Variants in CDH13 observed in about 807,000 individuals in gnomAD.
CDH13 encodes the protein cadherin 13, also known as cadherin-13.
In CDH13, 24 loss-of-function variants were observed where a neutral mutation model predicts 63.8. That is an observed-to-expected ratio of 0.38 (90% CI 0.27 to 0.53). CDH13 has a LOEUF of 0.53. Ranked by LOEUF, CDH13 falls within the 20% of genes least tolerant of loss-of-function variation. CDH13 has a pLI of 0.85. For synonymous variants in CDH13, 503 were observed against 355.3 expected (o/e 1.42, Z -4.67); for missense variants, 1,049 against 903.1 (o/e 1.16, Z -2.07).
intron 7 of CDH13, among the ~76,000 whole-genome samples, chr16:83,598,191 C>G (rs1040755252): frequency 2.0e-5 from 3 of 152,080 alleles, no homozygotes; most frequent in African/African-American, 7.2e-5. Context: ...CATGGAGAGA[C>G]CCTGTCTCTA....
chr16:82,860,832 G>C (rs950889614), intron 2 of CDH13, among the ~76,000 whole-genome samples: 1 of 152,166 alleles, frequency 6.6e-6, no homozygotes, highest in African/African-American at 2.4e-5. Context: ...AGTAGTAGCA[G>C]TGCTTTGCTT....
At chr16:82,922,970 A>G (rs1323347811) in intron 2 of CDH13, among the ~76,000 whole-genome samples, 7 of 152,210 alleles carry the variant, frequency 4.6e-5, no homozygotes, top group South Asian at 2.1e-4. Context: ...CCCAGTGAAT[A>G]TGAGTCATAT....
At chr16:82,979,650 C>A (rs1909998240) in intron 2 of CDH13, among the ~76,000 whole-genome samples, 1 of 152,186 alleles carries the variant, frequency 6.6e-6, no homozygotes, top group Non-Finnish European at 1.5e-5. Context: ...CCAAGCCGTG[C>A]AGAATTGTGA....
intron 6 of CDH13, among the ~76,000 whole-genome samples, chr16:83,364,948 A>AT (rs1479663563): frequency 4.6e-5 from 7 of 152,180 alleles, no homozygotes; most frequent in African/African-American, 1.7e-4. Context: ...GAATTAGGAC[A>AT]AATACCTAAG....
intron 4 of CDH13, among the ~76,000 whole-genome samples, chr16:83,205,169 A>C (rs4783332): frequency 0.91 from 138,937 of 152,246 alleles, 64,376 homozygotes; most frequent in Non-Finnish European, 0.99. Context: ...CCTTGACTTA[A>C]AGCAGAACAA....
intron 1 of CDH13, among the ~76,000 whole-genome samples, chr16:82,665,162 C>T (rs1310202237): frequency 1.3e-5 from 2 of 152,134 alleles, no homozygotes; most frequent in Admixed American, 1.3e-4. Flanking sequence ...TTTCATGAAC[C>T]ATTTAATGCC....
intron 7 of CDH13, among the ~76,000 whole-genome samples, chr16:83,581,751 C>T (rs911575798): frequency 6.6e-6 from 1 of 152,162 alleles, no homozygotes; most frequent in Non-Finnish European, 1.5e-5. Context: ...CCCAGGAGTT[C>T]AAGGCTGCAA....
intron 6 of CDH13, among the ~76,000 whole-genome samples, chr16:83,391,160 C>T (rs1374137492): frequency 6.6e-6 from 1 of 152,160 alleles, no homozygotes; most frequent in South Asian, 2.1e-4. Context: ...TGCCAAGATG[C>T]TCTTTAGTAT....
At chr16:83,161,368 G>C (rs1194452082) in intron 4 of CDH13, among the ~76,000 whole-genome samples, 1 of 151,486 alleles carries the variant, frequency 6.6e-6, no homozygotes, top group African/African-American at 2.4e-5. Flanking sequence ...AATAAATAAG[G>C]GTCTATCAGT....
At chr16:83,359,964 C>T (rs906874641) in intron 6 of CDH13, among the ~76,000 whole-genome samples, 2 of 152,162 alleles carry the variant, frequency 1.3e-5, no homozygotes, top group Non-Finnish European at 2.9e-5. Flanking sequence ...CTTAGGACAC[C>T]ACACATATAC....
In CDH13 at chr16:83,547,266, A is replaced by G. The variant is rs148754304; in HGVS notation, c.961-55188A>G. On this transcript the variant is annotated intron_variant, in intron 7 of 13. Transcript: ENST00000567109. ...AGCCTGGACCCAGGGGGATGTGGGAAGCCCAGGAACCTGGATAAGTGGCTG... is the reference window on the plus strand; with the variant it reads ...AGCCTGGACCCAGGGGGATGTGGGAGGCCCAGGAACCTGGATAAGTGGCTG... 9.0e-4 allele frequency among the ~76,000 whole-genome samples: 137 copies of G among 152,366 alleles called. 2 individuals carry two copies. Among genetic ancestry groups the G allele is most frequent in the African/African-American group, 3.1e-3 (127 of 41,584 alleles).
chr16:83,625,669 A>G (rs527579142), intron 8 of CDH13, among the ~76,000 whole-genome samples: 47 of 152,176 alleles, frequency 3.1e-4, no homozygotes, highest in Non-Finnish European at 4.6e-4. Context: ...TGCACTTGTA[A>G]TTAGCTGGAG....
intron 10 of CDH13, among the ~76,000 whole-genome samples, chr16:83,717,357 A>G (rs1055442444): frequency 1.3e-5 from 2 of 152,072 alleles, no homozygotes; most frequent in Non-Finnish European, 2.9e-5. Flanking sequence ...CACTTTTTGT[A>G]TATATTTTCC....
intron 1 of CDH13, among the ~76,000 whole-genome samples, chr16:82,682,248 A>G (rs971315537): frequency 1.3e-5 from 2 of 152,208 alleles, no homozygotes; most frequent in African/African-American, 4.8e-5. Context: ...AAAAGTGCAG[A>G]TTCCCAGGCC....
chr16:82,855,338 C>T (rs2039641971), intron 1 of CDH13, among the ~76,000 whole-genome samples: 1 of 152,220 alleles, frequency 6.6e-6, no homozygotes, highest in Non-Finnish European at 1.5e-5. Context: ...TGGTTTCTCT[C>T]AGTCCTGACT....
chr16:82,981,576 C>A (rs541566086), intron 2 of CDH13, among the ~76,000 whole-genome samples: 3 of 152,278 alleles, frequency 2.0e-5, no homozygotes, highest in Admixed American at 6.5e-5. Context: ...GGAGCCTGTT[C>A]CAGCATTTGG....
chr16:82,876,241 C>G (rs769096332), intron 2 of CDH13, among the ~76,000 whole-genome samples: 2 of 152,216 alleles, frequency 1.3e-5, no homozygotes, highest in Non-Finnish European at 2.9e-5. Context: ...CTGTGGTTAT[C>G]TTTTCTACCC....
chr16:83,458,211 C>T (rs1233360432), intron 6 of CDH13, among the ~76,000 whole-genome samples: 1 of 152,206 alleles, frequency 6.6e-6, no homozygotes, highest in Non-Finnish European at 1.5e-5. Context: ...AACTCAAGAT[C>T]TGCTGTTTCT....
chr16:83,393,462 C>T (rs1026899575), intron 6 of CDH13, among the ~76,000 whole-genome samples: 1 of 152,168 alleles, frequency 6.6e-6, no homozygotes, highest in African/African-American at 2.4e-5. Context: ...CTGTCACAAT[C>T]TGCTGCCCGA....
Sources: allele counts gnomAD v4.1 joint callset (sites outside exome capture counted in the v4.1 genomes callset), GRCh38; gene constraint gnomAD v4.1.1; transcripts MANE v1.5; gene names NCBI Gene and HGNC (gene_info 2026-07-23, HGNC 2026-07-21).